The following TRPM3 variants were observed in gnomAD, a reference collection of about 807,000 sequenced individuals.
The protein encoded by TRPM3 is transient receptor potential cation channel subfamily M member 3, also known as long transient receptor potential channel 3.
In TRPM3, 77 loss-of-function variants were observed where a neutral mutation model predicts 181.2. The observed-to-expected ratio is 0.42, with a 90% CI of 0.35 to 0.51. The LOEUF (loss-of-function observed/expected upper bound fraction) is 0.51, where lower values mean the gene tolerates loss of function less well. TRPM3 is among the 20% of genes least tolerant of loss of function. The pLI, the probability that TRPM3 is intolerant of heterozygous loss-of-function variation, is 0.01. For missense variants in TRPM3, 1,759 were observed against 2,196.7 expected (o/e 0.80, Z 3.98); for synonymous variants, 745 against 796.4 (o/e 0.94, Z 1.09).
chr9:70,650,504 C>G (rs1321548319), intron 9 of TRPM3, among the ~76,000 whole-genome samples: 2 of 152,120 alleles, frequency 1.3e-5, no homozygotes, highest in Non-Finnish European at 2.9e-5. Context: ...CCTTCAATAT[C>G]TAGATCAAGT....
intron 1 of TRPM3, among the ~76,000 whole-genome samples, chr9:71,209,959 A>T (rs1253315427): frequency 6.6e-6 from 1 of 152,192 alleles, no homozygotes; most frequent in Non-Finnish European, 1.5e-5. Flanking sequence ...CTCTACAGAC[A>T]AAGTTTGCCA....
chr9:71,341,973 A>G (rs1329646490), intron 1 of TRPM3, among the ~76,000 whole-genome samples: 2 of 151,840 alleles, frequency 1.3e-5, no homozygotes, highest in East Asian at 3.9e-4. Context: ...ATTGAGGCAG[A>G]GAGGATGAGC....
intron 1 of TRPM3, among the ~76,000 whole-genome samples, chr9:71,321,319 A>C (rs993407488): frequency 6.6e-6 from 1 of 152,140 alleles, no homozygotes. Flanking sequence ...AGATTATACC[A>C]AATGCTTTGA....
chr9:70,887,620 AT>A (rs1232154189), intron 1 of TRPM3, among the ~76,000 whole-genome samples: 1 of 152,146 alleles, frequency 6.6e-6, no homozygotes, highest in East Asian at 1.9e-4. Flanking sequence ...TATGTTTCTT[AT>A]TCCAGTAGTT....
rs200029999 is a variant in TRPM3 at position 70,940,320 on chromosome 9, C to A, written c.178-75809G>T. Among the ~76,000 whole-genome samples, 4 of 152,282 alleles carry A rather than the reference C, an allele frequency of 2.6e-5. No individual in the cohort carries two copies. In the East Asian group the frequency reaches 7.7e-4, roughly 29 times the overall value. On this transcript the variant is annotated intron_variant, in intron 1 of 25. Transcript: ENST00000677713. ...CAAAGTCGTAAAGCTGGTATTTGAG[C>A]TTTTGTTCTTCATCAACAGGCTGTT...
intron 6 of TRPM3, chr9:70,811,364 C>T (rs897941818): frequency 3.8e-6 from 3 of 796,278 alleles, no homozygotes; most frequent in African/African-American, 1.7e-5. Context: ...TCAAGTTGCA[C>T]AGTGAAACCT....
At chr9:70,607,678 G>A (rs1432248256) in intron 19 of TRPM3, among the ~76,000 whole-genome samples, 1 of 152,160 alleles carries the variant, frequency 6.6e-6, no homozygotes, top group Non-Finnish European at 1.5e-5. Context: ...CCTGAAGACT[G>A]GATTCCATGG....
chr9:70,929,375 T>C (rs1769550756), intron 1 of TRPM3, among the ~76,000 whole-genome samples: 1 of 152,072 alleles, frequency 6.6e-6, no homozygotes, highest in Admixed American at 6.6e-5. Context: ...CTGATTTTTA[T>C]ACTTTTAGTA....
chr9:70,573,778 A>G (rs1663768892), intron 22 of TRPM3, among the ~76,000 whole-genome samples: 1 of 152,122 alleles, frequency 6.6e-6, no homozygotes, highest in Non-Finnish European at 1.5e-5. Context: ...GTTCAGGTCT[A>G]ATCACTTCAT....
intron 1 of TRPM3, 125 bp from the exon 2 acceptor site, chr9:70,864,636 A>G: frequency 2.0e-6 from 1 of 507,588 alleles, no homozygotes; most frequent in Non-Finnish European, 3.2e-6. Context: ...CACAAATTGA[A>G]CTGAAATTGT....
At chr9:70,882,872 A>G (rs1287427032) in intron 1 of TRPM3, among the ~76,000 whole-genome samples, 1 of 152,134 alleles carries the variant, frequency 6.6e-6, no homozygotes, top group Admixed American at 6.6e-5. Context: ...ATTCTCAATG[A>G]CTTCATAATA....
At chr9:70,561,909 A>C (rs1444290287) in intron 22 of TRPM3, among the ~76,000 whole-genome samples, 3 of 152,210 alleles carry the variant, frequency 2.0e-5, no homozygotes, top group Non-Finnish European at 2.9e-5. Flanking sequence ...CATCAGAGAG[A>C]AAGTGTTAGT....
At chr9:70,685,098 T>C (rs2066428144) in intron 8 of TRPM3, among the ~76,000 whole-genome samples, 1 of 152,222 alleles carries the variant, frequency 6.6e-6, no homozygotes, top group Non-Finnish European at 1.5e-5. Flanking sequence ...CATGTTTTTC[T>C]AGATAATCGA....
intron 22 of TRPM3, among the ~76,000 whole-genome samples, chr9:70,567,731 C>G (rs2051014326): frequency 6.6e-6 from 1 of 151,676 alleles, no homozygotes; most frequent in Non-Finnish European, 1.5e-5. Context: ...CCACTTATAT[C>G]CCTTGTCGAA....
intron 1 of TRPM3, among the ~76,000 whole-genome samples, chr9:70,986,151 G>A (rs897898811): frequency 8.5e-5 from 13 of 152,102 alleles, no homozygotes; most frequent in African/African-American, 3.1e-4. Flanking sequence ...CTTGAGGCTA[G>A]GAGTTTGGAG....
At chr9:71,083,043 T>C (rs1185638642) in intron 1 of TRPM3, among the ~76,000 whole-genome samples, 2 of 152,066 alleles carry the variant, frequency 1.3e-5, no homozygotes, top group African/African-American at 4.8e-5. Flanking sequence ...TTCCAGGGAA[T>C]AGCCTTCATT....
chr9:70,673,119 C>T (rs1336654572), intron 9 of TRPM3, among the ~76,000 whole-genome samples: 2 of 152,038 alleles, frequency 1.3e-5, no homozygotes, highest in African/African-American at 4.8e-5. Flanking sequence ...GAGTATCTTT[C>T]ACACTCTTTG....
At chr9:70,576,201 A>AT (rs2053884763) in intron 22 of TRPM3, among the ~76,000 whole-genome samples, 1 of 152,212 alleles carries the variant, frequency 6.6e-6, no homozygotes, top group African/African-American at 2.4e-5. Flanking sequence ...AGGTATCACC[A>AT]TATCAGTGTC....
At chr9:70,698,644 G>A (rs886700532) in intron 8 of TRPM3, among the ~76,000 whole-genome samples, 6 of 152,178 alleles carry the variant, frequency 3.9e-5, no homozygotes, top group Non-Finnish European at 7.3e-5. Flanking sequence ...AAAATCTCAT[G>A]TTCAATTGTA....
Sources: gnomAD v4.1 joint callset for allele counts (sites outside exome capture counted in the v4.1 genomes callset) on GRCh38, gnomAD v4.1.1 for gene constraint, MANE v1.5 for transcripts, NCBI Gene and HGNC (gene_info 2026-07-23, HGNC 2026-07-21) for gene names.